LINGO2: variants seen among roughly 807,000 people sequenced by gnomAD.
LINGO2 encodes the protein leucine-rich repeat and immunoglobulin-like domain-containing nogo receptor-interacting protein 2.
Under a neutral mutation model 30.6 loss-of-function variants are expected in LINGO2, and 14 were observed. The ratio of observed to expected loss-of-function variants is 0.46; its 90% CI spans 0.30 to 0.72. The LOEUF is 0.72. Ranked by LOEUF, LINGO2 falls within the 30% of genes least tolerant of loss-of-function variation. LINGO2 has a pLI of 0.07. For synonymous variants in LINGO2, 317 were observed against 288.5 expected (o/e 1.10, Z -1.00); for missense variants, 729 against 751.7 (o/e 0.97, Z 0.35).
chr9:28,098,572 C>G (rs533803079), intron 4 of LINGO2, among the ~76,000 whole-genome samples: 12 of 152,128 alleles, frequency 7.9e-5, no homozygotes, highest in Middle Eastern at 6.8e-3. Context: ...ATGGATCTTT[C>G]TTTTTTCGTC....
chr9:28,458,917 T>C (rs765317352), intron 2 of LINGO2, among the ~76,000 whole-genome samples: 2 of 152,128 alleles, frequency 1.3e-5, no homozygotes, highest in African/African-American at 4.8e-5. Flanking sequence ...TACGTGCCTA[T>C]CCTTGTAGGA....
chr9:28,817,958 T>C, the LINGO2 span, among the ~76,000 whole-genome samples: 9 of 152,348 alleles, frequency 5.9e-5, no homozygotes, highest in East Asian at 1.2e-3. Context: ...CTAGTCATTC[T>C]TCTCATATAA....
At chr9:27,979,418 T>C (rs1820752199) in intron 5 of LINGO2, among the ~76,000 whole-genome samples, 1 of 151,988 alleles carries the variant, frequency 6.6e-6, no homozygotes, top group African/African-American at 2.4e-5. Flanking sequence ...ACTGCTTCAC[T>C]TGGTGATCCA....
At chr9:28,913,672 T>C in the LINGO2 span, among the ~76,000 whole-genome samples, 1 of 152,116 alleles carries the variant, frequency 6.6e-6, no homozygotes, top group Non-Finnish European at 1.5e-5. Context: ...TTACATCCCA[T>C]ATTTCCTCCA....
the LINGO2 span, among the ~76,000 whole-genome samples, chr9:29,065,236 T>C: frequency 1.1e-4 from 17 of 152,310 alleles, no homozygotes; most frequent in African/African-American, 3.8e-4. Flanking sequence ...CTAATTATTC[T>C]GTTATTTTAT....
intron 4 of LINGO2, among the ~76,000 whole-genome samples, chr9:28,229,962 A>G (rs1344222286): frequency 6.6e-6 from 1 of 151,904 alleles, no homozygotes; most frequent in Non-Finnish European, 1.5e-5. Flanking sequence ...CCTAAAGGCA[A>G]TAAAAGAAAA....
chr9:28,800,690 A>G, the LINGO2 span, among the ~76,000 whole-genome samples: 1 of 152,190 alleles, frequency 6.6e-6, no homozygotes, highest in Admixed American at 6.6e-5. Flanking sequence ...AAACTAGCAG[A>G]CTGTAGCTCA....
intron 2 of LINGO2, among the ~76,000 whole-genome samples, chr9:28,424,774 C>T (rs1481962652): frequency 1.3e-5 from 2 of 152,078 alleles, no homozygotes; most frequent in Admixed American, 1.3e-4. Context: ...CTATGTTTAG[C>T]TACACTTGTG....
Position 28,594,235 on chromosome 9 carries a change from T to TCTTCTG in LINGO2, c.-365+75959_-365+75964dup, listed in dbSNP as rs1390654168. 3.9e-5 allele frequency among the ~76,000 whole-genome samples: 6 copies of TCTTCTG among 152,184 alleles called. No homozygotes were observed. The East Asian group carries it at 1.2e-3, about 29-fold the overall frequency. On this transcript the variant is annotated intron_variant, in intron 1 of 5. Transcript: ENST00000379992. ...TCTCTCTACATAGGAAAGCACTTTT[T>TCTTCTG]CTTCTGTGGTCTTTGCTAAGTAATG...
At chr9:28,862,126 A>T in the LINGO2 span, among the ~76,000 whole-genome samples, 1 of 152,076 alleles carries the variant, frequency 6.6e-6, no homozygotes, top group Admixed American at 6.6e-5. Flanking sequence ...AATTTCAGAA[A>T]CCTGTCTTCT....
At chr9:28,526,055 C>CAAAAAAAAAAAAAAAAAAAAAAAAA (rs58629857) in intron 1 of LINGO2, among the ~76,000 whole-genome samples, 2 of 48,510 alleles carry the variant, frequency 4.1e-5, no homozygotes, top group African/African-American at 8.2e-5. Context: ...GACTCCGTCT[C>CAAAAAAAAAAAAAAAAAAAAAAAAA]AAAAAAAAAA....
the LINGO2 span, among the ~76,000 whole-genome samples, chr9:28,878,153 GATAT>G: frequency 0.15 from 22,074 of 151,930 alleles, 1,741 homozygotes; most frequent in East Asian, 0.3. Context: ...TGATAAAGGG[GATAT>G]CACCACCAAT....
At chr9:29,012,422 A>G in the LINGO2 span, among the ~76,000 whole-genome samples, 3 of 152,160 alleles carry the variant, frequency 2.0e-5, no homozygotes, top group Non-Finnish European at 4.4e-5. Flanking sequence ...CGGTTGCCTA[A>G]GTTCACCTAG....
intron 2 of LINGO2, among the ~76,000 whole-genome samples, chr9:28,435,772 C>T (rs1366105633): frequency 6.6e-6 from 1 of 152,018 alleles, no homozygotes; most frequent in Non-Finnish European, 1.5e-5. Context: ...TGACAAAGGA[C>T]CATGTGAGAC....
At chr9:27,972,006 C>T (rs16912142) in intron 5 of LINGO2, among the ~76,000 whole-genome samples, 7,833 of 152,148 alleles carry the variant, frequency 0.051, 386 homozygotes, top group African/African-American at 0.1. Flanking sequence ...TGTTAGTGCT[C>T]ATGTTTGTTT....
chr9:29,047,051 A>AAAAAAAAAACAAAAC, the LINGO2 span, among the ~76,000 whole-genome samples: 13 of 106,982 alleles, frequency 1.2e-4, no homozygotes, highest in African/African-American at 4.3e-4. Context: ...AAAAAAAAAA[A>AAAAAAAAAACAAAAC]CCAAAAACAA....
At chr9:28,526,397 C>T (rs1315458162) in intron 1 of LINGO2, among the ~76,000 whole-genome samples, 1 of 152,176 alleles carries the variant, frequency 6.6e-6, no homozygotes, top group Admixed American at 6.5e-5. Flanking sequence ...ACAAGATACT[C>T]AGAGAGACTA....
chr9:28,555,131 A>C (rs1412297976), intron 1 of LINGO2, among the ~76,000 whole-genome samples: 1 of 131,568 alleles, frequency 7.6e-6, no homozygotes, highest in Non-Finnish European at 1.6e-5. Flanking sequence ...GCAGAAGGCA[A>C]GAAATAACTA....
At chr9:28,039,188 CA>C (rs1221972233) in intron 4 of LINGO2, among the ~76,000 whole-genome samples, 1 of 152,180 alleles carries the variant, frequency 6.6e-6, no homozygotes, top group African/African-American at 2.4e-5. Flanking sequence ...TGGGCATCTA[CA>C]AACTGAACAT....
Sources: gnomAD v4.1 joint callset for allele counts (sites outside exome capture counted in the v4.1 genomes callset) on GRCh38, gnomAD v4.1.1 for gene constraint, MANE v1.5 for transcripts, NCBI Gene and HGNC (gene_info 2026-07-23, HGNC 2026-07-21) for gene names.